The following FMO3 variants were observed in gnomAD, a reference collection of about 807,000 sequenced individuals.
FMO3 encodes the protein flavin containing dimethylaniline monoxygenase 3, also known as flavin-containing monooxygenase 3.
FMO3 carries 40 observed loss-of-function variants against 39.4 expected under a neutral mutation model. The observed-to-expected ratio is 1.02, with a 90% CI of 0.79 to 1.32. The LOEUF (loss-of-function observed/expected upper bound fraction) is 1.32, where lower values mean the gene tolerates loss of function less well. Among genes scored for constraint, FMO3 ranks in the 40% most tolerant of loss-of-function variants. The probability of loss-of-function intolerance (pLI) is 0.00; values close to 1 mark genes in which losing one functional copy is unlikely to be tolerated. For missense variants in FMO3, 680 were observed against 651.8 expected, an observed-to-expected ratio of 1.04 and a Z score of -0.47; for synonymous variants, 219 against 228.8, an observed-to-expected ratio of 0.96 and a Z score of 0.39.
chr1:171,097,367 C>A (rs1283320671), intron 2 of FMO3, among the ~76,000 whole-genome samples: 1 of 104,340 alleles, frequency 9.6e-6, no homozygotes. Context: ...AATCGCCACA[C>A]TGACTTCCAC....
At chr1:171,114,942 C>CTGTA (rs933764522) in intron 7 of FMO3, among the ~76,000 whole-genome samples, 3 of 152,170 alleles carry the variant, frequency 2.0e-5, no homozygotes, top group African/African-American at 7.2e-5. Context: ...GATGATCAGT[C>CTGTA]TGTAATACAT....
intron 2 of FMO3, among the ~76,000 whole-genome samples, chr1:171,103,363 G>C (rs952675183): frequency 7.2e-5 from 11 of 152,088 alleles, no homozygotes; most frequent in Non-Finnish European, 1.2e-4. Flanking sequence ...ATTTATGTGT[G>C]TCTTACCGAA....
chr1:171,113,419 C>G (rs1378434398), intron 6 of FMO3, among the ~76,000 whole-genome samples: 1 of 152,154 alleles, frequency 6.6e-6, no homozygotes, highest in Non-Finnish European at 1.5e-5. Context: ...AGCTCTCACA[C>G]CTTTGACTTT....
rs990065058 is a variant in FMO3, at chr1:171,111,576, C to A, written c.827+579C>A. Reference sequence around the variant, plus strand: ...TTCCCTCTTCGTTTCATCACCCACCCCTTAATGGACCCCCTCTCACTAAAC... The same window carrying A: ...TTCCCTCTTCGTTTCATCACCCACCACTTAATGGACCCCCTCTCACTAAAC... On this transcript the variant is annotated intron_variant, in intron 6 of 8. Transcript: ENST00000367755. 4.6e-5 allele frequency among the ~76,000 whole-genome samples: 7 copies of A among 152,212 alleles called. No homozygotes were observed. In the Middle Eastern group the frequency reaches 0.01, roughly 222 times the overall value.
At chr1:171,111,376 C>A (rs768109442) in intron 6 of FMO3, among the ~76,000 whole-genome samples, 1 of 152,070 alleles carries the variant, frequency 6.6e-6, no homozygotes, top group African/African-American at 2.4e-5. Flanking sequence ...GAGATAACTG[C>A]GTTTCAGTGT....
chr1:171,105,951 A>G (rs1490596340), intron 3 of FMO3, among the ~76,000 whole-genome samples: 1 of 152,140 alleles, frequency 6.6e-6, no homozygotes, highest in Non-Finnish European at 1.5e-5. Context: ...TGTTCAATAT[A>G]GTAGCCACTA....
At chr1:171,099,572 G>T (rs958265153) in intron 2 of FMO3, among the ~76,000 whole-genome samples, 15 of 151,496 alleles carry the variant, frequency 9.9e-5, no homozygotes, top group Non-Finnish European at 1.9e-4. Flanking sequence ...TATAAGCTAG[G>T]TATATTTTTT....
At chr1:171,107,902 CT>C (rs869054269) in intron 4 of FMO3, 65 bp downstream of exon 4, 2 of 1,482,286 alleles carry the variant, frequency 1.3e-6, no homozygotes, top group East Asian at 4.7e-5. Flanking sequence ...ATAATGTCTT[CT>C]TTTTTCTAAA....
At position 171,098,948 on chromosome 1, in the gene FMO3, A is replaced by G. The variant is rs146522472; in HGVS notation, c.133-4837A>G. 1.2e-4 allele frequency among the ~76,000 whole-genome samples: 18 copies of G among 152,216 alleles called. No homozygotes were observed. The East Asian group carries it at 3.3e-3, about 28-fold the overall frequency. ...GGGTTTGTCATAAACAGCTCTTATT[A>G]TTTTGAGATATATCTTCTCTAGTTC... On this transcript the variant is annotated intron_variant, in intron 2 of 8. Transcript: ENST00000367755.
intron 3 of FMO3, among the ~76,000 whole-genome samples, chr1:171,106,822 C>T (rs1250390053): frequency 6.6e-6 from 1 of 152,002 alleles, no homozygotes; most frequent in Non-Finnish European, 1.5e-5. Flanking sequence ...AAACCAGCAG[C>T]AAACAGAAAC....
chr1:171,110,746 A>C, intron 5 of FMO3, 52 bp from the exon 6 acceptor site: 1 of 1,541,896 alleles, frequency 6.5e-7, no homozygotes, highest in South Asian at 1.1e-5. Flanking sequence ...GCTCACCAGA[A>C]TATCCACTAC....
rs1655872937 is a variant in FMO3, at chr1:171,110,839, G to T, written c.669G>T (p.Arg223=). ...SSRSGSWVMS[R]VWDNGYPWDM... ...GAAGTGGCTCCTGGGTGATGAGCCG[G>T]GTCTGGGACAATGGTTATCCTTGGG... The change falls in exon 6 of 9, where the codon CGG becomes CGT. Residue 223 remains arginine (R), a synonymous_variant. Transcript: ENST00000367755. The T allele has an allele frequency of 4.3e-6, 7 of 1,613,926 alleles. No homozygotes were observed. Among genetic ancestry groups the T allele is most frequent in the Non-Finnish European group, 5.9e-6 (7 of 1,179,912 alleles).
At chr1:171,093,970 G>T (rs1238661725) in intron 2 of FMO3, among the ~76,000 whole-genome samples, 1 of 151,050 alleles carries the variant, frequency 6.6e-6, no homozygotes, top group Admixed American at 6.6e-5. Context: ...GAGTAGCTGG[G>T]GTTACAGGTG....
Position 171,117,373 on chromosome 1 carries a change from C to T in FMO3, c.1530C>T (p.Phe510=), listed in dbSNP as rs28363595. The T allele has an allele frequency of 6.0e-4, 970 of 1,612,740 alleles. 14 individuals are homozygous for T. In the East Asian group the frequency reaches 0.019, roughly 32 times the overall value. Residue 510 remains phenylalanine, a synonymous_variant, in exon 9 of 9, where the codon TTC becomes TTT. Coordinates refer to ENST00000367755, the MANE Select transcript of FMO3 (RefSeq NM_001002294.3). The part of the protein sequence containing the change: ...RVVGRLQKPC[F]FFHWLKLFAI... ...TCGGGAGACTTCAGAAGCCTTGCTT[C>T]TTTTTCCATTGGCTGAAGCTCTTTG...
intron 2 of FMO3, among the ~76,000 whole-genome samples, chr1:171,096,869 C>G (rs938855676): frequency 1.3e-5 from 2 of 150,266 alleles, no homozygotes; most frequent in Non-Finnish European, 3.0e-5. Context: ...ATACATGTGC[C>G]ATGTTGGTGT....
At chr1:171,112,737 T>A (rs1287363296) in intron 6 of FMO3, among the ~76,000 whole-genome samples, 1 of 151,992 alleles carries the variant, frequency 6.6e-6, no homozygotes, top group African/African-American at 2.4e-5. Context: ...AAACCAGAAG[T>A]TAAAACTCTG....
In FMO3 at chr1:171,117,321, C is replaced by G. The variant is rs61008738; in HGVS notation, c.1478C>G (p.Ser493Trp). 1.2e-6 allele frequency: 2 copies of G among 1,613,800 alleles called. No individual in the cohort carries two copies. The highest frequency in any genetic ancestry group is 1.7e-6 in the Non-Finnish European group (2 of 1,179,854). ...GCCATACTGACCCAGTGGGACCGGTCGTTGAAACCCATGCAGACACGAGTG... is the reference window on the plus strand; with the variant it reads ...GCCATACTGACCCAGTGGGACCGGTGGTTGAAACCCATGCAGACACGAGTG... ...RNAILTQWDR[S>W]LKPMQTRVVG... Residue 493 changes from serine to tryptophan, a missense_variant, in exon 9 of 9, where the codon TCG (serine) becomes TGG (tryptophan). By Grantham distance (177) the Ser-to-Trp change is radical. Coordinates refer to ENST00000367755, the MANE Select transcript of FMO3 (RefSeq NM_001002294.3).
At chr1:171,091,819 CACACTGAAATACAG>C (rs113003933) in intron 1 of FMO3, among the ~76,000 whole-genome samples, 2,963 of 152,178 alleles carry the variant, frequency 0.019, 84 homozygotes, top group African/African-American at 0.067. Context: ...GACTACCTGG[CACACTGAAATACAG>C]ACATCTTCAG....
At chr1:171,096,152 A>AATATATAAC (rs1655024100) in intron 2 of FMO3, among the ~76,000 whole-genome samples, 1 of 78,150 alleles carries the variant, frequency 1.3e-5, no homozygotes. Flanking sequence ...TATTGATATG[A>AATATATAAC]ATATATAATA....
Sources: gnomAD v4.1 joint callset for allele counts (sites outside exome capture counted in the v4.1 genomes callset) on GRCh38, gnomAD v4.1.1 for gene constraint, MANE v1.5 for transcripts, NCBI Gene and HGNC (gene_info 2026-07-23, HGNC 2026-07-21) for gene names.